The following TRIM63 variants were observed in gnomAD, a reference collection of about 807,000 sequenced individuals.
TRIM63 encodes tripartite motif containing 63.
In TRIM63, 48 loss-of-function variants were observed where a neutral mutation model predicts 46.0. The ratio of observed to expected loss-of-function variants is 1.04; its 90% CI spans 0.83 to 1.33. The LOEUF (loss-of-function observed/expected upper bound fraction) is 1.33, where lower values mean the gene tolerates loss of function less well. TRIM63 is among the 40% of genes most tolerant of loss of function. The probability of loss-of-function intolerance (pLI) is 0.00; values close to 1 mark genes in which losing one functional copy is unlikely to be tolerated. For synonymous variants in TRIM63, 175 were observed against 162.8 expected (o/e 1.08, Z -0.57); for missense variants, 455 against 441.2 (o/e 1.03, Z -0.28).
rs2050520116 is a variant in TRIM63 at position 26,051,312 on chromosome 1, A to C, written c.*561T>G. ...AATGAAACCCCGGCTCCTTTGAAGA[A>C]CAGGAAGAGAGCATTGTGCATTTAT... On this transcript the variant is annotated 3_prime_UTR_variant, in exon 9 of 9. Transcript: ENST00000374272. 2 of 152,366 alleles carry C rather than the reference A, an allele frequency of 1.3e-5. No individual in the cohort carries two copies. The highest frequency in any genetic ancestry group is 2.9e-5 in the Non-Finnish European group (2 of 68,050). 9.4% of individuals were successfully genotyped at this position (152,366 alleles called of 1,614,324 possible).
At chr1:26,063,992 C>T (rs2050650606) in intron 2 of TRIM63, among the ~76,000 whole-genome samples, 1 of 152,198 alleles carries the variant, frequency 6.6e-6, no homozygotes, top group Non-Finnish European at 1.5e-5. Context: ...TCTAGCTCAG[C>T]AATTAAGAAT....
Position 26,057,282 on chromosome 1 carries a change from C to G in TRIM63, c.900G>C (p.Gln300His), listed in dbSNP as rs2050581808. The change falls in exon 7 of 9, where the codon CAG becomes CAC. Residue 300 changes from glutamine to histidine, a missense_variant. Transcript: ENST00000374272. The part of the protein sequence containing the change: ...SKGCQLGKTE[Q>H]GFENMDFFTL... ...TAAAGAAGTCCATGTTCTCAAAGCC[C>G]TGCTCTGTCTTCCCCAGCTGGCAGC... 2 of 1,614,054 alleles carry G rather than the reference C, an allele frequency of 1.2e-6. No homozygotes were observed. Among genetic ancestry groups the G allele is most frequent in the African/African-American group, 2.7e-5 (2 of 74,912 alleles).
intron 8 of TRIM63, among the ~76,000 whole-genome samples, chr1:26,052,523 G>A (rs981809864): frequency 6.6e-6 from 1 of 152,092 alleles, no homozygotes; most frequent in Non-Finnish European, 1.5e-5. Context: ...GGAGTGAAGT[G>A]GCGTGATCTC....
chr1:26,053,773 T>C (rs2050543164), intron 8 of TRIM63, 120 bp downstream of exon 8: 4 of 754,190 alleles, frequency 5.3e-6, no homozygotes, highest in Non-Finnish European at 8.7e-6. Flanking sequence ...AAGCACGTGC[T>C]GGGGACAGTT....
chr1:26,055,989 G>A (rs1279589335), intron 7 of TRIM63, among the ~76,000 whole-genome samples: 1 of 152,148 alleles, frequency 6.6e-6, no homozygotes, highest in Non-Finnish European at 1.5e-5. Flanking sequence ...AGGTTTGTAG[G>A]AGAGCGACAC....
At chr1:26,061,113 C>T in intron 3 of TRIM63, 53 bp downstream of exon 3, 1 of 1,581,678 alleles carries the variant, frequency 6.3e-7, no homozygotes, top group East Asian at 2.2e-5. Flanking sequence ...CCTGAATCAT[C>T]AGGCCGTGCC....
At chr1:26,058,308 G>T in intron 5 of TRIM63, 82 bp downstream of exon 5, 1 of 1,247,602 alleles carries the variant, frequency 8.0e-7, no homozygotes, top group Middle Eastern at 2.7e-4. Flanking sequence ...GGGCCCATGG[G>T]TGGTCAGTGG....
intron 3 of TRIM63, among the ~76,000 whole-genome samples, 186 bp from the exon 4 acceptor site, chr1:26,060,547 T>A (rs1182504896): frequency 6.6e-6 from 1 of 152,116 alleles, no homozygotes; most frequent in Non-Finnish European, 1.5e-5. Context: ...AGATACTGCA[T>A]CCCTTATTTT....
intron 7 of TRIM63, among the ~76,000 whole-genome samples, chr1:26,055,296 C>T (rs2050560955): frequency 6.6e-6 from 1 of 152,164 alleles, no homozygotes; most frequent in African/African-American, 2.4e-5. Flanking sequence ...GAGATGGTAA[C>T]AGAACCTATC....
chr1:26,063,366 C>T (rs990427692), intron 2 of TRIM63, among the ~76,000 whole-genome samples: 1 of 152,344 alleles, frequency 6.6e-6, no homozygotes, highest in East Asian at 1.9e-4. Context: ...CCATCAGTGT[C>T]AATGCCTCAC....
At chr1:26,057,466 A>C in intron 6 of TRIM63, 139 bp from the exon 7 acceptor site, 1 of 1,404,598 alleles carries the variant, frequency 7.1e-7, no homozygotes. Flanking sequence ...CTCCAACCTC[A>C]AGCACAAGGA....
At chr1:26,060,076 A>G (rs2050608608) in intron 4 of TRIM63, among the ~76,000 whole-genome samples, 190 bp downstream of exon 4, 2 of 152,092 alleles carry the variant, frequency 1.3e-5, no homozygotes, top group South Asian at 4.1e-4. Context: ...GGCCGGACAC[A>G]CAGCTGTGCT....
intron 5 of TRIM63, 105 bp downstream of exon 5, chr1:26,058,285 A>G: frequency 4.1e-6 from 4 of 974,522 alleles, no homozygotes; most frequent in Non-Finnish European, 1.6e-6. Flanking sequence ...AGAGGTTTAA[A>G]TGGCTTTTCC....
At chr1:26,053,299 C>A (rs990598847) in intron 8 of TRIM63, among the ~76,000 whole-genome samples, 1 of 152,152 alleles carries the variant, frequency 6.6e-6, no homozygotes, top group Non-Finnish European at 1.5e-5. Context: ...GTCACCCAGG[C>A]TGGAGTGCAG....
rs1411259165 is a variant in TRIM63, at chr1:26,067,589, G to A, written c.-95C>T. 7.8e-6 allele frequency: 11 copies of A among 1,411,752 alleles called. No homozygotes were observed. The highest frequency in any genetic ancestry group is 9.6e-6 in the Non-Finnish European group (10 of 1,045,460). 87.5% of individuals were successfully genotyped at this position (1,411,752 alleles called of 1,614,324 possible). On this transcript the variant is annotated 5_prime_UTR_variant, in exon 1 of 9. Coordinates refer to ENST00000374272, the MANE Select transcript of TRIM63 (RefSeq NM_032588.4). ...GTCTTGCCTTTGTCACAAAACACCG[G>A]GTCGGATCCTGTTGGCTTCCTTCTC...
chr1:26,067,398 G>C lies in TRIM63; in HGVS notation c.97C>G (p.Pro33Ala), dbSNP rs1382788945. 2.5e-6 allele frequency: 4 copies of C among 1,614,054 alleles called. No homozygotes were observed. Among genetic ancestry groups the C allele is most frequent in the Admixed American group, 3.3e-5 (2 of 60,006 alleles). Residue 33 changes from proline (P) to alanine (A), a missense_variant, in exon 1 of 9, where the codon CCA becomes GCA. Coordinates refer to ENST00000374272, the MANE Select transcript of TRIM63 (RefSeq NM_032588.4). Reference sequence around the variant, plus strand: ...TGCTGGCACGGCAAGATGACCACTGGCTTGGTAAACATCTCCAGGCAGATA... The same window carrying C: ...TGCTGGCACGGCAAGATGACCACTGCCTTGGTAAACATCTCCAGGCAGATA... ...CPICLEMFTKPVVILPCQHNL... is the reference protein window; with the variant it reads ...CPICLEMFTKAVVILPCQHNL...
chr1:26,066,616 G>A (rs1391700480), intron 1 of TRIM63, among the ~76,000 whole-genome samples, 176 bp from the exon 2 acceptor site: 1 of 152,182 alleles, frequency 6.6e-6, no homozygotes, highest in East Asian at 1.9e-4. Flanking sequence ...CTGAGAAGCA[G>A]CTAAGCAATC....
intron 6 of TRIM63, 38 bp downstream of exon 6, chr1:26,057,590 C>G (rs2050584807): frequency 6.2e-7 from 1 of 1,603,424 alleles, no homozygotes; most frequent in East Asian, 2.2e-5. Context: ...CTGGTGGGAA[C>G]TAGGTGCTTG....
At chr1:26,053,760 T>A in intron 8 of TRIM63, 133 bp downstream of exon 8, 1 of 674,652 alleles carries the variant, frequency 1.5e-6, no homozygotes, top group Non-Finnish European at 2.5e-6. Context: ...CTCAGTAGGG[T>A]TAAAGCACGT....
Sources: allele counts gnomAD v4.1 joint callset (sites outside exome capture counted in the v4.1 genomes callset), GRCh38; gene constraint gnomAD v4.1.1; transcripts MANE v1.5; gene names NCBI Gene and HGNC (gene_info 2026-07-23, HGNC 2026-07-21).